TEX14: variants seen among roughly 807,000 people sequenced by gnomAD.
TEX14 encodes the protein inactive serine/threonine-protein kinase TEX14.
Under a neutral mutation model 178.6 loss-of-function variants are expected in TEX14, and 168 were observed. The ratio of observed to expected loss-of-function variants is 0.94; its 90% CI spans 0.83 to 1.07. TEX14 has a LOEUF of 1.07. Ranked by LOEUF, TEX14 falls within the 50% of genes least tolerant of loss-of-function variation. TEX14 has a pLI of 0.00. For synonymous variants in TEX14, 626 were observed against 634.1 expected, an observed-to-expected ratio of 0.99 and a Z score of 0.19; for missense variants, 1,730 against 1,753.6, an observed-to-expected ratio of 0.99 and a Z score of 0.24.
chr17:58,672,257 T>C (rs1327925632), intron 1 of TEX14, among the ~76,000 whole-genome samples: 1 of 152,138 alleles, frequency 6.6e-6, no homozygotes, highest in Non-Finnish European at 1.5e-5. Flanking sequence ...ACTGGTACCA[T>C]GCTCCTTCCA....
At chr17:58,583,833 T>G (rs2055322481) in intron 19 of TEX14, among the ~76,000 whole-genome samples, 1 of 152,264 alleles carries the variant, frequency 6.6e-6, no homozygotes, top group South Asian at 2.1e-4. Context: ...CATGATTAAA[T>G]ACAATAGGTC....
intron 15 of TEX14, among the ~76,000 whole-genome samples, chr17:58,590,282 C>T (rs890714080): frequency 2.4e-5 from 3 of 124,740 alleles, no homozygotes; most frequent in South Asian, 2.8e-4. Flanking sequence ...AAAAAAAAAC[C>T]ATGAACTGAG....
rs762779068 is a variant in TEX14 at position 58,621,653 on chromosome 17, T to A, written c.551A>T (p.Gln184Leu). 5.0e-6 allele frequency: 8 copies of A among 1,613,194 alleles called. No individual in the cohort carries two copies. The highest frequency in any genetic ancestry group is 3.3e-5 in the South Asian group (3 of 91,026). Reference sequence around the variant, plus strand: ...CTCTGCTCAAGGCAGTACTCACCCCTGCACGAGGCCCCCACACCAGGACGG... The same window carrying A: ...CTCTGCTCAAGGCAGTACTCACCCCAGCACGAGGCCCCCACACCAGGACGG... ...YSPSWCGGLVQGNPNGSPNRL... is the reference protein window; with the variant it reads ...YSPSWCGGLVLGNPNGSPNRL... The change falls in exon 5 of 32, where the codon CAG becomes CTG. Residue 184 changes from glutamine to leucine, a missense_variant. Physicochemically the swap from Gln to Leu is moderately radical, Grantham distance 113. This residue lies in a region of TEX14 where 789 missense variants were observed against 681.2 expected (regional missense o/e 1.16). Transcript: ENST00000349033.
At chr17:58,598,734 T>G in intron 14 of TEX14, 142 bp downstream of exon 14, 3 of 840,808 alleles carry the variant, frequency 3.6e-6, no homozygotes, top group Non-Finnish European at 5.7e-6. Flanking sequence ...AGGATGCCCC[T>G]TCCTCCCACT....
chr17:58,565,082 G>C, intron 27 of TEX14, 114 bp from the exon 28 acceptor site: 1 of 537,976 alleles, frequency 1.9e-6, no homozygotes, highest in East Asian at 3.3e-5. Flanking sequence ...AGTGTGCAAT[G>C]CATTAGCTCC....
chr17:58,670,424 T>TA (rs574588582), intron 1 of TEX14, among the ~76,000 whole-genome samples: 66 of 143,162 alleles, frequency 4.6e-4, no homozygotes, highest in African/African-American at 6.4e-4. Context: ...TTGGGAAGAT[T>TA]AAAAAAAAAA....
At chr17:58,587,864 A>ACCCCC in intron 16 of TEX14, 32 bp downstream of exon 16, 3 of 734,674 alleles carry the variant, frequency 4.1e-6, no homozygotes, top group Non-Finnish European at 4.2e-6. Flanking sequence ...CCCCCGCTCC[A>ACCCCC]CCACCAGTTT....
At chr17:58,642,379 C>G (rs772403547) in intron 2 of TEX14, among the ~76,000 whole-genome samples, 1 of 152,142 alleles carries the variant, frequency 6.6e-6, no homozygotes, top group Non-Finnish European at 1.5e-5. Flanking sequence ...CTAATAGAAT[C>G]TCCTCACAGA....
At chr17:58,659,211 G>T in intron 1 of TEX14, 1 of 311,246 alleles carries the variant, frequency 3.2e-6, no homozygotes, top group Non-Finnish European at 4.7e-6. Flanking sequence ...TTTCTCATTC[G>T]GGGAAATCGC....
chr17:58,594,916 C>T (rs1319719698), intron 14 of TEX14, among the ~76,000 whole-genome samples: 1 of 151,988 alleles, frequency 6.6e-6, no homozygotes, highest in East Asian at 1.9e-4. Flanking sequence ...ATTAAGGCAA[C>T]AAATATGGAG....
chr17:58,558,224 A>G (rs1044392116), intron 30 of TEX14, among the ~76,000 whole-genome samples: 1 of 152,218 alleles, frequency 6.6e-6, no homozygotes, highest in African/African-American at 2.4e-5. Context: ...AAGTGACTAC[A>G]TACAGAGGTT....
chr17:58,565,004 GAA>G, intron 27 of TEX14, 36 bp from the exon 28 acceptor site: 1 of 1,356,494 alleles, frequency 7.4e-7, no homozygotes, highest in Admixed American at 2.2e-5. Flanking sequence ...TTATTAGAAC[GAA>G]AAAAAAATTG....
intron 5 of TEX14, among the ~76,000 whole-genome samples, chr17:58,620,999 A>C (rs774607093): frequency 1.3e-5 from 2 of 152,190 alleles, no homozygotes; most frequent in Non-Finnish European, 2.9e-5. Flanking sequence ...TGGTGAGCCC[A>C]GCTACCCTGC....
intron 1 of TEX14, among the ~76,000 whole-genome samples, chr17:58,652,297 A>T (rs1174685953): frequency 2.0e-5 from 3 of 152,144 alleles, no homozygotes; most frequent in African/African-American, 7.2e-5. Flanking sequence ...CTCACCTTGA[A>T]TTGTAGTTCC....
intron 5 of TEX14, among the ~76,000 whole-genome samples, chr17:58,620,572 C>T (rs894242122): frequency 1.3e-5 from 2 of 152,114 alleles, no homozygotes; most frequent in African/African-American, 4.8e-5. Context: ...CGGCTCACTG[C>T]AACCTCCGCC....
At chr17:58,590,226 A>ACTC (rs2045093648) in intron 15 of TEX14, among the ~76,000 whole-genome samples, 1 of 139,622 alleles carries the variant, frequency 7.2e-6, no homozygotes, top group African/African-American at 2.8e-5. Flanking sequence ...GCGCCACTGC[A>ACTC]CTCCAGCCTG....
chr17:58,623,875 T>G (rs1044818804), intron 3 of TEX14, among the ~76,000 whole-genome samples: 1 of 151,792 alleles, frequency 6.6e-6, no homozygotes, highest in African/African-American at 2.4e-5. Flanking sequence ...GAAGAGAAGA[T>G]AAGAAAAAAG....
intron 2 of TEX14, among the ~76,000 whole-genome samples, chr17:58,643,418 C>T (rs1567754655): frequency 6.6e-6 from 1 of 152,066 alleles, no homozygotes; most frequent in Non-Finnish European, 1.5e-5. Flanking sequence ...CAGCTTCCTC[C>T]CAAACGTATT....
At chr17:58,659,235 TAGTAAAAACCCTCC>T in intron 1 of TEX14, 18 of 493,416 alleles carry the variant, frequency 3.6e-5, no homozygotes, top group African/African-American at 4.2e-5. Flanking sequence ...AGCAAACACA[TAGTAAAAACCCTCC>T]CCCAAGAAAA....
Sources: gnomAD v4.1 joint callset for allele counts (sites outside exome capture counted in the v4.1 genomes callset) on GRCh38, gnomAD v4.1.1 for gene constraint, gnomAD v4.1.1 regional missense constraint, MANE v1.5 for transcripts, NCBI Gene and HGNC (gene_info 2026-07-23, HGNC 2026-07-21) for gene names.